ETFA: variants seen among roughly 807,000 people sequenced by gnomAD.
The protein encoded by ETFA is electron transfer flavoprotein subunit alpha.
In ETFA, 22 loss-of-function variants were observed where a neutral mutation model predicts 46.2. The ratio of observed to expected loss-of-function variants is 0.48; its 90% confidence interval spans 0.34 to 0.68. The LOEUF is 0.68. Among genes scored for constraint, ETFA ranks in the 30% least tolerant of loss-of-function variants. The pLI is 0.01. For missense variants in ETFA, 345 were observed against 401.1 expected (o/e 0.86, Z 1.19); for synonymous variants, 131 against 139.9 (o/e 0.94, Z 0.45).
At chr15:76,228,027 T>C (rs1049544602) in intron 10 of ETFA, 5 of 452,970 alleles carry the variant, frequency 1.1e-5, no homozygotes, top group East Asian at 7.0e-5. Context: ...TTGATTTGCA[T>C]TGGCGTGTTT....
chr15:76,233,693 T>C (rs2039093303), intron 9 of ETFA, among the ~76,000 whole-genome samples: 1 of 152,214 alleles, frequency 6.6e-6, no homozygotes, highest in African/African-American at 2.4e-5. Flanking sequence ...AAAGGGACAT[T>C]TGTTAAACTG....
chr15:76,295,830 A>C, intron 1 of ETFA, 93 bp from the exon 2 acceptor site: 1 of 901,708 alleles, frequency 1.1e-6, no homozygotes, highest in Non-Finnish European at 1.7e-6. Context: ...GTATGCTTTA[A>C]AGAAAACTAT....
At chr15:76,299,016 T>C (rs115302461) in intron 1 of ETFA, among the ~76,000 whole-genome samples, 3,670 of 152,348 alleles carry the variant, frequency 0.024, 146 homozygotes, top group African/African-American at 0.084. Context: ...CTTTTAACAA[T>C]AGTTATGAGA....
At chr15:76,251,378 C>T (rs2039295893) in intron 9 of ETFA, among the ~76,000 whole-genome samples, 1 of 152,110 alleles carries the variant, frequency 6.6e-6, no homozygotes, top group Non-Finnish European at 1.5e-5. Flanking sequence ...AGTAAGTTTA[C>T]TTGTGAAGTA....
At chr15:76,261,333 G>A in intron 9 of ETFA, 1 of 1,392,052 alleles carries the variant, frequency 7.2e-7, no homozygotes, top group Non-Finnish European at 1.0e-6. Context: ...GGGAGATCTG[G>A]GTTTCGCCCC....
intron 1 of ETFA, 114 bp from the exon 2 acceptor site, chr15:76,295,851 A>T: frequency 3.2e-6 from 2 of 632,478 alleles, no homozygotes; most frequent in South Asian, 4.8e-5. Flanking sequence ...TCTGTACACA[A>T]TATTATTCTA....
intron 9 of ETFA, among the ~76,000 whole-genome samples, chr15:76,271,265 A>G (rs751547004): frequency 7.2e-5 from 11 of 152,344 alleles, no homozygotes; most frequent in South Asian, 6.2e-4. Flanking sequence ...TGGGAAAAGT[A>G]ACTTTACAGT....
chr15:76,282,869 T>C (rs1399114416), intron 8 of ETFA, among the ~76,000 whole-genome samples: 1 of 152,158 alleles, frequency 6.6e-6, no homozygotes, highest in Non-Finnish European at 1.5e-5. Context: ...TTGCCTAGGC[T>C]GGTCTCAAAT....
intron 9 of ETFA, among the ~76,000 whole-genome samples, chr15:76,253,976 T>C (rs925468320): frequency 2.6e-5 from 4 of 152,268 alleles, no homozygotes; most frequent in Admixed American, 2.6e-4. Flanking sequence ...AAAACACAGA[T>C]AGCAACTGTT....
chr15:76,237,165 G>T (rs965725634), intron 9 of ETFA, among the ~76,000 whole-genome samples: 3 of 152,116 alleles, frequency 2.0e-5, no homozygotes, highest in African/African-American at 4.8e-5. Context: ...CGATTTTCGT[G>T]CCTCAGCCTC....
chr15:76,292,418 T>G lies in ETFA; in HGVS notation c.351+13A>C, dbSNP rs1303298737. The stretch of plus-strand genomic sequence containing the variant: ...AGCAGTGATATCAGATTCCACATTC[T>G]CAACCTTCTCACCTTTCCGAAGGCA... On this transcript the variant is annotated intron_variant, in intron 4 of 11. Transcript: ENST00000557943. 6 of 1,592,788 alleles carry G rather than the reference T, an allele frequency of 3.8e-6. No individual in the cohort carries two copies. The highest frequency in any genetic ancestry group is 4.3e-6 in the Non-Finnish European group (5 of 1,160,402).
At chr15:76,239,078 A>G (rs1342374985) in intron 9 of ETFA, among the ~76,000 whole-genome samples, 1 of 152,240 alleles carries the variant, frequency 6.6e-6, no homozygotes, top group Non-Finnish European at 1.5e-5. Flanking sequence ...TGTCTATGTT[A>G]CGCCAGTAAC....
At chr15:76,274,264 A>C (rs1223458641) in intron 9 of ETFA, 148 bp downstream of exon 9, 2 of 704,614 alleles carry the variant, frequency 2.8e-6, no homozygotes, top group Non-Finnish European at 5.2e-6. Context: ...AACTACACAG[A>C]CCTTGTGAAA....
chr15:76,274,608 T>C, intron 8 of ETFA, 114 bp from the exon 9 acceptor site: 1 of 858,978 alleles, frequency 1.2e-6, no homozygotes, highest in Middle Eastern at 2.2e-4. Context: ...TACTAGTATA[T>C]TTTATACAGA....
At chr15:76,309,640 CA>C (rs1175837910) in intron 1 of ETFA, among the ~76,000 whole-genome samples, 3 of 152,156 alleles carry the variant, frequency 2.0e-5, no homozygotes, top group African/African-American at 7.2e-5. Context: ...GTTAGCTCTA[CA>C]AAATTACTGA....
intron 4 of ETFA, among the ~76,000 whole-genome samples, chr15:76,290,354 T>TTTTTTTA: frequency 6.8e-6 from 1 of 147,476 alleles, no homozygotes. Flanking sequence ...TTTTTTTTTT[T>TTTTTTTA]GAGACAGGGT....
intron 9 of ETFA, among the ~76,000 whole-genome samples, chr15:76,266,882 C>T (rs766885294): frequency 2.1e-4 from 32 of 149,104 alleles, no homozygotes; most frequent in African/African-American, 5.5e-4. Context: ...CCAGCCTGGG[C>T]GACAAAGCGA....
chr15:76,241,695 G>A (rs957629541), intron 9 of ETFA, among the ~76,000 whole-genome samples: 6 of 150,628 alleles, frequency 4.0e-5, no homozygotes, highest in Admixed American at 6.6e-5. Flanking sequence ...CCAGCTACTC[G>A]GGAGGCTGAG....
At chr15:76,310,068 C>CAATAAAAAAA (rs2039977613) in intron 1 of ETFA, 1 of 71,920 alleles carries the variant, frequency 1.4e-5, no homozygotes, top group Non-Finnish European at 2.8e-5. Flanking sequence ...CCCGTCTCTA[C>CAATAAAAAAA]AAAAAAAAAA....
Sources: gnomAD v4.1 joint callset for allele counts (sites outside exome capture counted in the v4.1 genomes callset) on GRCh38, gnomAD v4.1.1 for gene constraint, MANE v1.5 for transcripts, NCBI Gene and HGNC (gene_info 2026-07-23, HGNC 2026-07-21) for gene names.